The following DRD2 variants were observed in gnomAD, a reference collection of about 807,000 sequenced individuals.
The protein encoded by DRD2 is D(2) dopamine receptor.
In DRD2, 8 loss-of-function variants were observed where a neutral mutation model predicts 38.0. That is an observed-to-expected ratio of 0.21 (90% CI 0.12 to 0.38). The LOEUF (loss-of-function observed/expected upper bound fraction) is 0.38. Ranked by LOEUF, DRD2 falls within the 10% of genes least tolerant of loss-of-function variation. The pLI is 1.00. For synonymous variants in DRD2, 230 were observed against 238.6 expected (o/e 0.96, Z 0.33); for missense variants, 403 against 607.7 (o/e 0.66, Z 3.54).
intron 2 of DRD2, among the ~76,000 whole-genome samples, chr11:113,419,500 C>T (rs1257178032): frequency 1.4e-5 from 2 of 144,588 alleles, no homozygotes; most frequent in African/African-American, 2.5e-5. Flanking sequence ...CCCCTCCCCA[C>T]GTAACACCCA....
chr11:113,431,391 C>T (rs1007557832), intron 1 of DRD2, among the ~76,000 whole-genome samples: 6 of 152,192 alleles, frequency 3.9e-5, no homozygotes, highest in African/African-American at 1.2e-4. Flanking sequence ...TCCTCTGAGG[C>T]CTCCTAGGCT....
intron 7 of DRD2, 139 bp downstream of exon 7, chr11:113,412,417 C>G (rs761401895): frequency 1.2e-5 from 12 of 1,026,678 alleles, no homozygotes; most frequent in Non-Finnish European, 1.7e-5. Context: ...CCTAATAGGG[C>G]TGTCTGTATG....
At chr11:113,433,308 G>T (rs768262445) in intron 1 of DRD2, among the ~76,000 whole-genome samples, 1 of 152,134 alleles carries the variant, frequency 6.6e-6, no homozygotes, top group African/African-American at 2.4e-5. Flanking sequence ...AAGAAATGCA[G>T]ATTGCTCTTT....
intron 1 of DRD2, among the ~76,000 whole-genome samples, chr11:113,458,506 T>A (rs1253784271): frequency 6.6e-6 from 1 of 152,246 alleles, no homozygotes; most frequent in Non-Finnish European, 1.5e-5. Flanking sequence ...GTGGATATAC[T>A]CCTTCCTTCA....
chr11:113,425,302 G>A (rs1041218881), intron 1 of DRD2, among the ~76,000 whole-genome samples: 4 of 152,176 alleles, frequency 2.6e-5, no homozygotes, highest in South Asian at 2.1e-4. Flanking sequence ...TGAAGGATGT[G>A]TAGGAATTAG....
At chr11:113,414,587 G>T in intron 5 of DRD2, 126 bp from the exon 6 acceptor site, 1 of 936,790 alleles carries the variant, frequency 1.1e-6, no homozygotes, top group Non-Finnish European at 1.7e-6. Flanking sequence ...GAGGGTGGGG[G>T]CCAGAGGAGG....
chr11:113,414,714 A>T (rs1591274088), intron 5 of DRD2, among the ~76,000 whole-genome samples: 1 of 152,318 alleles, frequency 6.6e-6, no homozygotes, highest in African/African-American at 2.4e-5. Flanking sequence ...TGCTAGGCAC[A>T]CTCACGTCCC....
chr11:113,415,705 G>T, intron 4 of DRD2, 94 bp from the exon 5 acceptor site: 1 of 1,409,800 alleles, frequency 7.1e-7, no homozygotes, highest in Non-Finnish European at 9.7e-7. Flanking sequence ...GGAACAAGGA[G>T]CGATTTTACA....
chr11:113,468,797 C>T (rs1951394329), intron 1 of DRD2, among the ~76,000 whole-genome samples: 1 of 152,162 alleles, frequency 6.6e-6, no homozygotes, highest in Non-Finnish European at 1.5e-5. Flanking sequence ...ATCTGCCCAC[C>T]TCAGCCTCCC....
At chr11:113,474,812 C>A (rs1397202256) in intron 1 of DRD2, among the ~76,000 whole-genome samples, 1 of 151,898 alleles carries the variant, frequency 6.6e-6, no homozygotes, top group South Asian at 2.1e-4. Flanking sequence ...TGCGCCCGCT[C>A]GTGCTCGGGG....
At chr11:113,439,004 T>C (rs1229577394) in intron 1 of DRD2, among the ~76,000 whole-genome samples, 7 of 152,146 alleles carry the variant, frequency 4.6e-5, no homozygotes, top group Non-Finnish European at 1.0e-4. Context: ...TTTCAGAGAG[T>C]GATAGATGAA....
chr11:113,440,376 T>C lies in DRD2; in HGVS notation c.-31-15694A>G, dbSNP rs150476113. On this transcript the variant is annotated intron_variant, in intron 1 of 7. Transcript: ENST00000362072. ...TTACAGGAATGTGCTCAAAGATGAT[T>C]CCCCCCAGACTTTCAGGGAGAAGCT... 6.6e-5 allele frequency among the ~76,000 whole-genome samples: 10 copies of C among 152,312 alleles called. No homozygotes were observed. The East Asian group carries it at 1.7e-3, about 26-fold the overall frequency.
chr11:113,462,235 C>T (rs1365406210), intron 1 of DRD2, among the ~76,000 whole-genome samples: 1 of 152,172 alleles, frequency 6.6e-6, no homozygotes, highest in African/African-American at 2.4e-5. Flanking sequence ...GGAACAGGAT[C>T]CACCAAGGCA....
intron 1 of DRD2, among the ~76,000 whole-genome samples, chr11:113,439,934 T>G (rs191782748): frequency 6.8e-6 from 1 of 146,986 alleles, no homozygotes; most frequent in Admixed American, 6.8e-5. Context: ...CCTATTGCTT[T>G]CAGAACCAGG....
chr11:113,416,188 A>T (rs1268041136), intron 4 of DRD2, among the ~76,000 whole-genome samples: 1 of 152,232 alleles, frequency 6.6e-6, no homozygotes, highest in Non-Finnish European at 1.5e-5. Flanking sequence ...TGTGATGCTT[A>T]TAATAGATAC....
In DRD2 at chr11:113,449,985, A is replaced by G. The variant is rs1345610967; in HGVS notation, c.-32+25091T>C. On this transcript the variant is annotated intron_variant, in intron 1 of 7. Coordinates refer to ENST00000362072, the MANE Select transcript of DRD2 (RefSeq NM_000795.4). ...TTCCACTTGTCTCGCTGTGCAGTTC[A>G]TATCTCTTCCATTTTGTATGCACTT... is the stretch of plus-strand genomic sequence containing the variant. 2.6e-5 allele frequency: 4 copies of G among 153,684 alleles called. No homozygotes were observed. In the East Asian group the frequency reaches 7.7e-4, roughly 30 times the overall value. The allele number at this position is 153,684 out of a possible 1,614,324, so 9.5% of individuals were successfully genotyped here. A position where few individuals can be genotyped will look rare whatever the true frequency, so the allele number is the denominator to read the frequency against.
At chr11:113,419,446 G>GCACACA (rs3060174) in intron 2 of DRD2, among the ~76,000 whole-genome samples, 26,493 of 133,106 alleles carry the variant, frequency 0.2, 3,092 homozygotes, top group East Asian at 0.41. Context: ...ATGCACACAG[G>GCACACA]CACACACACA....
intron 4 of DRD2, 69 bp from the exon 5 acceptor site, chr11:113,415,680 A>G (rs1351095771): frequency 6.6e-7 from 1 of 1,522,464 alleles, no homozygotes; most frequent in South Asian, 1.2e-5. Context: ...ACAAGAGCCC[A>G]TTCATGTCCT....
chr11:113,461,475 C>A (rs1951318051), intron 1 of DRD2, among the ~76,000 whole-genome samples: 1 of 152,202 alleles, frequency 6.6e-6, no homozygotes, highest in African/African-American at 2.4e-5. Context: ...CTTCTGGAAA[C>A]ACACCCTGGG....
Sources: gnomAD v4.1 joint callset for allele counts (sites outside exome capture counted in the v4.1 genomes callset) on GRCh38, gnomAD v4.1.1 for gene constraint, MANE v1.5 for transcripts, NCBI Gene and HGNC (gene_info 2026-07-23, HGNC 2026-07-21) for gene names.